Variants in GRIK2 observed in about 807,000 individuals in gnomAD.
GRIK2 encodes the protein glutamate receptor ionotropic, kainate 2.
GRIK2 carries 32 observed loss-of-function variants against 100.3 expected under a neutral mutation model. The ratio of observed to expected loss-of-function variants is 0.32; its 90% CI spans 0.24 to 0.43. GRIK2 has a LOEUF of 0.43. Among genes scored for constraint, GRIK2 ranks in the 20% least tolerant of loss-of-function variants. GRIK2 has a pLI of 1.00. For synonymous variants in GRIK2, 417 were observed against 389.4 expected (o/e 1.07, Z -0.83); for missense variants, 843 against 1,114.9 (o/e 0.76, Z 3.47).
chr6:101,737,176 A>G (rs1775695553), intron 7 of GRIK2, among the ~76,000 whole-genome samples: 1 of 152,046 alleles, frequency 6.6e-6, no homozygotes, highest in African/African-American at 2.4e-5. Context: ...AAACTTTCCC[A>G]CATTTTCCTG....
chr6:101,634,538 G>A (rs528886565), intron 4 of GRIK2, among the ~76,000 whole-genome samples: 2 of 152,092 alleles, frequency 1.3e-5, no homozygotes, highest in Non-Finnish European at 2.9e-5. Context: ...GCATTTTGCT[G>A]TGCCCTTCAT....
chr6:101,575,544 A>G (rs1777752234), intron 2 of GRIK2, among the ~76,000 whole-genome samples: 1 of 152,020 alleles, frequency 6.6e-6, no homozygotes, highest in Admixed American at 6.6e-5. Context: ...AACTAAACAT[A>G]TCTGAATATG....
At chr6:101,978,210 G>A (rs565664617) in intron 14 of GRIK2, among the ~76,000 whole-genome samples, 2 of 151,994 alleles carry the variant, frequency 1.3e-5, no homozygotes, top group Admixed American at 6.6e-5. Context: ...TTAAAAGTCT[G>A]TATATCACAG....
At chr6:101,726,133 T>C (rs927416885) in intron 7 of GRIK2, among the ~76,000 whole-genome samples, 1 of 152,006 alleles carries the variant, frequency 6.6e-6, no homozygotes, top group Non-Finnish European at 1.5e-5. Flanking sequence ...TAGGTAATTG[T>C]AATTTTCTCT....
At chr6:101,573,604 T>C (rs1004720164) in intron 2 of GRIK2, among the ~76,000 whole-genome samples, 2 of 152,192 alleles carry the variant, frequency 1.3e-5, no homozygotes, top group African/African-American at 4.8e-5. Context: ...TCTCTGGGGC[T>C]CAGCAAAGTG....
At chr6:101,928,974 A>C (rs1300301283) in intron 14 of GRIK2, among the ~76,000 whole-genome samples, 1 of 152,212 alleles carries the variant, frequency 6.6e-6, no homozygotes, top group Admixed American at 6.5e-5. Flanking sequence ...AGATTCTACA[A>C]AACTTTGCTA....
chr6:101,464,603 G>A (rs2128253485), intron 2 of GRIK2, among the ~76,000 whole-genome samples: 1 of 136,742 alleles, frequency 7.3e-6, no homozygotes, highest in African/African-American at 2.7e-5. Flanking sequence ...TGCAAGCTCC[G>A]CCTCTCGGGT....
At chr6:101,401,376 T>TCA (rs1262736636) in intron 2 of GRIK2, among the ~76,000 whole-genome samples, 3 of 151,908 alleles carry the variant, frequency 2.0e-5, no homozygotes, top group South Asian at 2.1e-4. Flanking sequence ...GCTCTCTCTC[T>TCA]CACACACACG....
At chr6:101,419,899 G>T (rs761325292) in intron 2 of GRIK2, among the ~76,000 whole-genome samples, 1 of 152,188 alleles carries the variant, frequency 6.6e-6, no homozygotes, top group Non-Finnish European at 1.5e-5. Flanking sequence ...TCCTTGGCAG[G>T]ATGAGACATT....
At chr6:101,706,046 C>T (rs1317178409) in intron 7 of GRIK2, among the ~76,000 whole-genome samples, 3 of 151,782 alleles carry the variant, frequency 2.0e-5, no homozygotes, top group South Asian at 2.1e-4. Context: ...CTCTGTATTG[C>T]CCCATAAATG....
At chr6:101,826,382 A>T (rs1166001274) in intron 10 of GRIK2, among the ~76,000 whole-genome samples, 1 of 152,032 alleles carries the variant, frequency 6.6e-6, no homozygotes, top group Non-Finnish European at 1.5e-5. Context: ...GTGGATGAAG[A>T]CGTAAAGGTT....
chr6:101,505,677 G>A lies in GRIK2; in HGVS notation c.115+106285G>A, dbSNP rs575096604. 2.9e-3 allele frequency among the ~76,000 whole-genome samples: 438 copies of A among 151,520 alleles called. 3 individuals are homozygous for A. The highest frequency in any genetic ancestry group is 0.01 in the African/African-American group (427 of 41,246). On this transcript the variant is annotated intron_variant, in intron 2 of 16. Transcript: ENST00000369134. Reference sequence around the variant, plus strand: ...ACCCAGTTAAAGTGAAGAGAAATTGGGGACGAGAGAATGATTGTCAAAACA... The same window carrying A: ...ACCCAGTTAAAGTGAAGAGAAATTGAGGACGAGAGAATGATTGTCAAAACA...
At chr6:101,511,389 A>G (rs973049028) in intron 2 of GRIK2, among the ~76,000 whole-genome samples, 5 of 152,136 alleles carry the variant, frequency 3.3e-5, no homozygotes, top group Admixed American at 1.3e-4. Context: ...GTAAAATATT[A>G]TAATTAGATT....
chr6:101,591,298 T>G (rs1778627780), intron 2 of GRIK2, among the ~76,000 whole-genome samples: 1 of 151,804 alleles, frequency 6.6e-6, no homozygotes, highest in African/African-American at 2.4e-5. Context: ...CTTTTTTTTT[T>G]GCTCTTCTAA....
chr6:101,956,927 A>G (rs1456272250), intron 14 of GRIK2, among the ~76,000 whole-genome samples: 1 of 151,100 alleles, frequency 6.6e-6, no homozygotes, highest in Non-Finnish European at 1.5e-5. Flanking sequence ...CCACAACTTT[A>G]CTATGGTGAA....
At chr6:101,421,144 G>A (rs1582410764) in intron 2 of GRIK2, among the ~76,000 whole-genome samples, 1 of 152,152 alleles carries the variant, frequency 6.6e-6, no homozygotes, top group African/African-American at 2.4e-5. Context: ...GGGACAACTC[G>A]GGATGTCTAA....
chr6:101,984,588 T>C (rs2128490364), intron 14 of GRIK2, among the ~76,000 whole-genome samples: 1 of 146,928 alleles, frequency 6.8e-6, no homozygotes, highest in South Asian at 2.2e-4. Flanking sequence ...ATACTTGTGG[T>C]TTATATGTGC....
chr6:101,629,000 G>T (rs978666091), intron 4 of GRIK2, among the ~76,000 whole-genome samples: 2 of 151,998 alleles, frequency 1.3e-5, no homozygotes, highest in African/African-American at 4.8e-5. Flanking sequence ...TTGCAATCAG[G>T]TCCTACAATA....
At chr6:101,639,582 C>T (rs1316450675) in intron 4 of GRIK2, among the ~76,000 whole-genome samples, 3 of 151,112 alleles carry the variant, frequency 2.0e-5, no homozygotes, top group Non-Finnish European at 2.9e-5. Flanking sequence ...GAGAGCGACA[C>T]TCCATCTCAA....
Sources: gnomAD v4.1 joint callset for allele counts (sites outside exome capture counted in the v4.1 genomes callset) on GRCh38, gnomAD v4.1.1 for gene constraint, MANE v1.5 for transcripts, NCBI Gene and HGNC (gene_info 2026-07-23, HGNC 2026-07-21) for gene names.